Variants in PHF14 observed in about 807,000 individuals in gnomAD.
PHF14 encodes the protein PHD finger protein 14.
A neutral mutation model predicts 117.9 loss-of-function variants in PHF14; 55 were observed. The observed-to-expected ratio is 0.47, with a 90% CI of 0.38 to 0.58. The LOEUF (loss-of-function observed/expected upper bound fraction) is 0.58. Ranked by LOEUF, PHF14 falls within the 20% of genes least tolerant of loss-of-function variation. The pLI, the probability that PHF14 is intolerant of heterozygous loss-of-function variation, is 0.00. For missense variants in PHF14, 978 were observed against 1,122.2 expected (o/e 0.87, Z 1.84); for synonymous variants, 409 against 368.6 (o/e 1.11, Z -1.26).
At chr7:10,997,853 T>C (rs1431571184) in intron 4 of PHF14, among the ~76,000 whole-genome samples, 3 of 152,182 alleles carry the variant, frequency 2.0e-5, no homozygotes, top group African/African-American at 7.2e-5. Flanking sequence ...TATTTTATAA[T>C]CTAATATTGG....
chr7:10,988,930 C>G (rs946026055), intron 3 of PHF14, among the ~76,000 whole-genome samples: 1 of 152,068 alleles, frequency 6.6e-6, no homozygotes, highest in African/African-American at 2.4e-5. Flanking sequence ...TGTTTGATTT[C>G]AAGTCAACTT....
intron 17 of PHF14, among the ~76,000 whole-genome samples, chr7:11,134,173 T>C (rs1056561453): frequency 2.0e-5 from 3 of 152,024 alleles, no homozygotes; most frequent in Non-Finnish European, 4.4e-5. Flanking sequence ...TGATGAACTT[T>C]ACAGTAGGCT....
intron 17 of PHF14, among the ~76,000 whole-genome samples, chr7:11,167,202 G>A (rs1256897060): frequency 6.6e-6 from 1 of 152,074 alleles, no homozygotes; most frequent in African/African-American, 2.4e-5. Context: ...ATGTTAAACC[G>A]GGAAGTCATA....
chr7:11,015,353 C>T (rs140366924), intron 5 of PHF14: 111 of 152,184 alleles, frequency 7.3e-4, no homozygotes, highest in Middle Eastern at 3.4e-3. Flanking sequence ...TGTTGATGTT[C>T]AGGACAAATG....
intron 17 of PHF14, among the ~76,000 whole-genome samples, chr7:11,122,232 G>T (rs938834984): frequency 1.3e-5 from 2 of 149,552 alleles, no homozygotes; most frequent in African/African-American, 5.0e-5. Flanking sequence ...TGGTATTCTG[G>T]AACTTTTTAT....
intron 13 of PHF14, among the ~76,000 whole-genome samples, chr7:11,046,209 A>G (rs886362463): frequency 1.3e-5 from 2 of 152,178 alleles, no homozygotes; most frequent in Non-Finnish European, 2.9e-5. Context: ...TACAATCTCC[A>G]CACTGCCTTA....
intron 17 of PHF14, among the ~76,000 whole-genome samples, chr7:11,113,759 G>A (rs1787518163): frequency 6.6e-6 from 1 of 152,042 alleles, no homozygotes; most frequent in Admixed American, 6.6e-5. Flanking sequence ...GTAAATTTCT[G>A]TTGGCATTTT....
At chr7:11,039,405 A>G (rs1054134982) in intron 11 of PHF14, among the ~76,000 whole-genome samples, 1 of 152,206 alleles carries the variant, frequency 6.6e-6, no homozygotes, top group Non-Finnish European at 1.5e-5. Flanking sequence ...GTTATTAAAA[A>G]AAACTTTATT....
chr7:11,147,851 A>T lies in PHF14; in HGVS notation c.2773-21565A>T, dbSNP rs1233982199. Among the ~76,000 whole-genome samples, 3 of 152,116 alleles carry T rather than the reference A, an allele frequency of 2.0e-5. No individual in the cohort carries two copies. In the East Asian group the frequency reaches 5.8e-4, roughly 29 times the overall value. On this transcript the variant is annotated intron_variant, in intron 17 of 17. Transcript: ENST00000634607. The stretch of plus-strand genomic sequence containing the variant: ...CTCTTCTTCCAAGATCTAAATTCAT[A>T]TATTCAAATGTTTGCCTGACATTCC...
intron 4 of PHF14, among the ~76,000 whole-genome samples, chr7:11,008,735 T>C (rs1783222311): frequency 6.6e-6 from 1 of 152,144 alleles, no homozygotes; most frequent in Non-Finnish European, 1.5e-5. Context: ...ACAATATTAC[T>C]CATTTTAAAA....
intron 17 of PHF14, among the ~76,000 whole-genome samples, chr7:11,149,519 A>G (rs1262981615): frequency 6.6e-6 from 1 of 152,188 alleles, no homozygotes; most frequent in African/African-American, 2.4e-5. Context: ...AAAATAATCT[A>G]GAAATCTGTT....
intron 17 of PHF14, among the ~76,000 whole-genome samples, chr7:11,156,709 C>T (rs1221631163): frequency 6.6e-6 from 1 of 152,030 alleles, no homozygotes; most frequent in African/African-American, 2.4e-5. Context: ...GCAGGAGAAT[C>T]GCTGAATCCA....
At chr7:11,075,903 G>A (rs575701986) in intron 16 of PHF14, among the ~76,000 whole-genome samples, 42 of 152,036 alleles carry the variant, frequency 2.8e-4, no homozygotes, top group Non-Finnish European at 3.7e-4. Flanking sequence ...AGGCTGAGGC[G>A]GGTGGATCAC....
At chr7:11,092,440 C>T (rs1165657754) in intron 16 of PHF14, among the ~76,000 whole-genome samples, 2 of 152,112 alleles carry the variant, frequency 1.3e-5, no homozygotes, top group Non-Finnish European at 2.9e-5. Context: ...GCATAAAGCC[C>T]TTATGCTAAA....
intron 4 of PHF14, among the ~76,000 whole-genome samples, chr7:11,010,778 G>A (rs986813060): frequency 5.9e-5 from 9 of 151,860 alleles, no homozygotes; most frequent in Non-Finnish European, 1.0e-4. Flanking sequence ...AGCCTTTCTA[G>A]CACCTGAGAC....
chr7:11,087,908 G>A (rs1786480528), intron 16 of PHF14, among the ~76,000 whole-genome samples: 1 of 152,148 alleles, frequency 6.6e-6, no homozygotes, highest in African/African-American at 2.4e-5. Context: ...TGTATAACTT[G>A]AAACTAACAT....
chr7:11,011,475 T>C (rs933633583), intron 4 of PHF14, among the ~76,000 whole-genome samples: 1 of 152,230 alleles, frequency 6.6e-6, no homozygotes, highest in African/African-American at 2.4e-5. Flanking sequence ...TTATTTAATG[T>C]CATCAGTTTA....
At chr7:10,999,929 G>C (rs1294585717) in intron 4 of PHF14, among the ~76,000 whole-genome samples, 1 of 152,162 alleles carries the variant, frequency 6.6e-6, no homozygotes, top group Non-Finnish European at 1.5e-5. Flanking sequence ...CTTTGCTAAT[G>C]ATAACTCATT....
At chr7:10,980,748 G>A (rs146292956) in intron 2 of PHF14, among the ~76,000 whole-genome samples, 4 of 152,274 alleles carry the variant, frequency 2.6e-5, no homozygotes, top group African/African-American at 9.6e-5. Context: ...CAGAAATAAT[G>A]TTTGATTATA....
Sources: gnomAD v4.1 joint callset for allele counts (sites outside exome capture counted in the v4.1 genomes callset) on GRCh38, gnomAD v4.1.1 for gene constraint, MANE v1.5 for transcripts, NCBI Gene and HGNC (gene_info 2026-07-23, HGNC 2026-07-21) for gene names.